The following PIK3C2G variants were observed in gnomAD, a reference collection of about 807,000 sequenced individuals.
The protein encoded by PIK3C2G is phosphatidylinositol-4-phosphate 3-kinase catalytic subunit type 2 gamma, also known as phosphatidylinositol 3-kinase C2 domain-containing subunit gamma.
Under a neutral mutation model 181.1 loss-of-function variants are expected in PIK3C2G, and 168 were observed. That is an observed-to-expected ratio of 0.93 (90% confidence interval 0.82 to 1.05). The LOEUF (loss-of-function observed/expected upper bound fraction) is 1.05, where lower values mean the gene tolerates loss of function less well. Ranked by LOEUF, PIK3C2G falls within the 50% of genes least tolerant of loss-of-function variation. The probability of loss-of-function intolerance (pLI) is 0.00; values close to 1 mark genes in which losing one functional copy is unlikely to be tolerated. For synonymous variants in PIK3C2G, 573 were observed against 592.2 expected (o/e 0.97, Z 0.47); for missense variants, 1,869 against 1,732.8 (o/e 1.08, Z -1.40).
the PIK3C2G span, chr12:18,693,238 A>G: frequency 2.6e-6 from 4 of 1,556,830 alleles, no homozygotes; most frequent in South Asian, 4.5e-5. Context: ...AGGCTCAACC[A>G]CAAGGTGCAT....
At chr12:18,711,371 C>A in the PIK3C2G span, among the ~76,000 whole-genome samples, 1 of 99,728 alleles carries the variant, frequency 1.0e-5, no homozygotes, top group African/African-American at 4.2e-5. Context: ...ACATCACACT[C>A]TGGGGACTGT....
intron 18 of PIK3C2G, among the ~76,000 whole-genome samples, chr12:18,431,104 CG>C (rs1451845797): frequency 6.6e-6 from 1 of 152,140 alleles, no homozygotes; most frequent in African/African-American, 2.4e-5. Context: ...CTCCACAATA[CG>C]TATCCCCTAA....
At position 18,392,570 on chromosome 12, in the gene PIK3C2G, C is replaced by T. The variant is rs1943602324; in HGVS notation, c.2126+1318C>T. 2.0e-5 allele frequency among the ~76,000 whole-genome samples: 3 copies of T among 151,894 alleles called. No homozygotes were observed. The South Asian group carries it at 6.2e-4, about 32-fold the overall frequency. On this transcript the variant is annotated intron_variant, in intron 15 of 32. Transcript: ENST00000538779. ...TTACTAAATTATCTCATCCTTTAGG[C>T]TTTCACTTAAATGTCACCTCAAAAA...
At chr12:18,266,562 A>G (rs1948508338) in intron 1 of PIK3C2G, among the ~76,000 whole-genome samples, 1 of 152,170 alleles carries the variant, frequency 6.6e-6, no homozygotes, top group African/African-American at 2.4e-5. Context: ...TATTTTGATT[A>G]AAATTTTGTG....
Position 18,626,195 on chromosome 12 carries a change from TAG to T in PIK3C2G, c.4183-14232_4183-14231del, listed in dbSNP as rs1411381097. Among the ~76,000 whole-genome samples, 4 of 152,024 alleles carry T rather than the reference TAG, an allele frequency of 2.6e-5. No homozygotes were observed. The East Asian group carries it at 5.8e-4, about 22-fold the overall frequency. On this transcript the variant is annotated intron_variant, in intron 31 of 32. Transcript: ENST00000538779. Reference sequence around the variant, plus strand: ...TTATTTGTGTTTTGTGCATTTTCTATAGATTTTTTCTCCTTGGTTACCCTGAT... The same window carrying T: ...TTATTTGTGTTTTGTGCATTTTCTATATTTTTTCTCCTTGGTTACCCTGAT...
intron 18 of PIK3C2G, among the ~76,000 whole-genome samples, chr12:18,430,608 T>C (rs748069433): frequency 1.3e-5 from 2 of 152,146 alleles, no homozygotes; most frequent in African/African-American, 2.4e-5. Context: ...TGCAGACTTA[T>C]GTCGATAGGG....
downstream of PIK3C2G, among the ~76,000 whole-genome samples, chr12:18,650,602 G>A (rs187551648): frequency 9.9e-4 from 146 of 147,078 alleles, 1 homozygote; most frequent in South Asian, 8.1e-3. Flanking sequence ...CTTGATATGA[G>A]AGCTGATACG....
chr12:18,484,141 T>C (rs1939817263), intron 18 of PIK3C2G, among the ~76,000 whole-genome samples: 1 of 152,094 alleles, frequency 6.6e-6, no homozygotes, highest in Non-Finnish European at 1.5e-5. Context: ...TGACAAGGGA[T>C]AAAGAAGTAA....
chr12:18,712,679 C>T, the PIK3C2G span, among the ~76,000 whole-genome samples: 1 of 152,140 alleles, frequency 6.6e-6, no homozygotes, highest in African/African-American at 2.4e-5. Flanking sequence ...GATAAATCTA[C>T]CTTTAACTAT....
At chr12:18,690,747 G>T in the PIK3C2G span, among the ~76,000 whole-genome samples, 1 of 152,056 alleles carries the variant, frequency 6.6e-6, no homozygotes, top group Non-Finnish European at 1.5e-5. Context: ...AATGAAATAG[G>T]CAGGTAAGGC....
In PIK3C2G at chr12:18,415,289, T is replaced by C. The variant is rs552750779; in HGVS notation, c.2316-5652T>C. ...ATGTCCCATTTGGAAATTCTCACAA[T>C]ATTTCAAGTATCATTGTTATTATTA... On this transcript the variant is annotated intron_variant, in intron 16 of 32. Transcript: ENST00000538779. Among the ~76,000 whole-genome samples, 7 of 152,354 alleles carry C rather than the reference T, an allele frequency of 4.6e-5. No homozygotes were observed. In the South Asian group the frequency reaches 1.4e-3, roughly 32 times the overall value.
At chr12:18,566,818 G>C (rs755285811) in intron 28 of PIK3C2G, 131 bp from the exon 29 acceptor site, 6 of 649,216 alleles carry the variant, frequency 9.2e-6, no homozygotes, top group African/African-American at 7.4e-5. Flanking sequence ...GATTAATCAC[G>C]TAGACTATGA....
chr12:18,684,223 C>T, the PIK3C2G span: 1 of 1,611,220 alleles, frequency 6.2e-7, no homozygotes, highest in African/African-American at 1.3e-5. Flanking sequence ...CGTATCAATG[C>T]CAATTCTGGG....
At chr12:18,296,781 A>G (rs1949959390) in intron 5 of PIK3C2G, among the ~76,000 whole-genome samples, 1 of 152,024 alleles carries the variant, frequency 6.6e-6, no homozygotes, top group Non-Finnish European at 1.5e-5. Context: ...GTCTGATTTT[A>G]AATAATACAA....
intron 8 of PIK3C2G, among the ~76,000 whole-genome samples, chr12:18,337,905 A>T (rs1938696031): frequency 6.6e-6 from 1 of 152,192 alleles, no homozygotes; most frequent in East Asian, 1.9e-4. Flanking sequence ...AAACACCTTA[A>T]CACCACAACT....
chr12:18,601,271 C>A (rs1947694333), intron 30 of PIK3C2G, among the ~76,000 whole-genome samples: 1 of 147,988 alleles, frequency 6.8e-6, no homozygotes. Flanking sequence ...AACAAAACAA[C>A]CAATAAAATA....
chr12:18,294,192 C>A (rs1949837322), intron 5 of PIK3C2G, among the ~76,000 whole-genome samples, 177 bp downstream of exon 5: 2 of 152,012 alleles, frequency 1.3e-5, no homozygotes, highest in South Asian at 4.1e-4. Context: ...CAATCTTATT[C>A]TTGATTTTAT....
At chr12:18,554,380 G>A (rs755373763) in intron 26 of PIK3C2G, among the ~76,000 whole-genome samples, 7 of 151,960 alleles carry the variant, frequency 4.6e-5, no homozygotes, top group African/African-American at 1.2e-4. Context: ...GGCATACCAC[G>A]CTATCAAAGC....
chr12:18,585,569 C>T (rs1946729095), intron 29 of PIK3C2G, among the ~76,000 whole-genome samples: 3 of 152,112 alleles, frequency 2.0e-5, no homozygotes, highest in Admixed American at 1.3e-4. Context: ...GAGACCTACA[C>T]AGAGATTAGA....
Sources: allele counts gnomAD v4.1 joint callset (sites outside exome capture counted in the v4.1 genomes callset), GRCh38; gene constraint gnomAD v4.1.1; transcripts MANE v1.5; gene names NCBI Gene and HGNC (gene_info 2026-07-23, HGNC 2026-07-21).